Variants in BNC2 observed in about 807,000 individuals in gnomAD.
BNC2 encodes basonuclin zinc finger protein 2.
In BNC2, 20 loss-of-function variants were observed where a neutral mutation model predicts 76.3. That is an observed-to-expected ratio of 0.26 (90% CI 0.18 to 0.38). BNC2 has a LOEUF of 0.38. Among genes scored for constraint, BNC2 ranks in the 10% least tolerant of loss-of-function variants. The probability of loss-of-function intolerance (pLI) is 1.00; values close to 1 mark genes in which losing one functional copy is unlikely to be tolerated. For missense variants in BNC2, 1,382 were observed against 1,399.8 expected, an observed-to-expected ratio of 0.99 and a Z score of 0.20; for synonymous variants, 582 against 514.8, an observed-to-expected ratio of 1.13 and a Z score of -1.77.
chr9:16,548,192 G>A (rs1212567055), intron 5 of BNC2, among the ~76,000 whole-genome samples: 2 of 152,132 alleles, frequency 1.3e-5, no homozygotes, highest in African/African-American at 2.4e-5. Flanking sequence ...AGGCAAGTCA[G>A]TTATACGTTC....
At chr9:16,692,899 G>T (rs1823217742) in intron 3 of BNC2, among the ~76,000 whole-genome samples, 1 of 152,102 alleles carries the variant, frequency 6.6e-6, no homozygotes, top group Non-Finnish European at 1.5e-5. Flanking sequence ...GGGGGCCAAG[G>T]TGGGTGGATT....
intron 5 of BNC2, among the ~76,000 whole-genome samples, chr9:16,508,581 A>T (rs971532859): frequency 6.6e-6 from 1 of 152,156 alleles, no homozygotes; most frequent in African/African-American, 2.4e-5. Context: ...TGAATTTATT[A>T]TGGCCAGAAT....
chr9:16,437,251 T>A lies in BNC2; in HGVS notation c.943A>T (p.Ile315Phe), dbSNP rs995244344. 12 of 1,614,050 alleles carry A rather than the reference T, an allele frequency of 7.4e-6. No individual in the cohort carries two copies. The highest frequency in any genetic ancestry group is 9.3e-6 in the Non-Finnish European group (11 of 1,180,038). Residue 315 changes from isoleucine (I) to phenylalanine (F), a missense_variant, in exon 6 of 7, where the codon ATC (isoleucine) becomes TTC (phenylalanine). Around this residue, in one of 3 missense-constraint regions of BNC2, gnomAD observed 557 missense variants for 540.9 expected, o/e 1.03. Transcript: ENST00000380672. ...AGCAGAAATGCAAGGCTGTTTGGGA[T>A]GTTTTCGAAGTGATGAATGCTGGAA... ...NPSSIHHFEN[I>F]PNSLAFLLPF...
At chr9:16,823,858 C>T (rs1434873851) in intron 1 of BNC2, among the ~76,000 whole-genome samples, 1 of 152,134 alleles carries the variant, frequency 6.6e-6, no homozygotes, top group Non-Finnish European at 1.5e-5. Context: ...CTTTTTCCTT[C>T]TCTGTGGAGG....
intron 5 of BNC2, among the ~76,000 whole-genome samples, chr9:16,444,110 G>T (rs1330584727): frequency 1.3e-5 from 2 of 152,142 alleles, no homozygotes; most frequent in East Asian, 3.9e-4. Flanking sequence ...CCAAATCACA[G>T]GCACACATGC....
intron 1 of BNC2, among the ~76,000 whole-genome samples, chr9:16,751,729 G>C (rs1391732354): frequency 2.1e-5 from 3 of 140,884 alleles, no homozygotes; most frequent in African/African-American, 7.9e-5. Flanking sequence ...TAAAATTAAA[G>C]ATTTTTAACA....
intron 3 of BNC2, among the ~76,000 whole-genome samples, chr9:16,671,975 T>C (rs1251813023): frequency 6.6e-6 from 1 of 152,224 alleles, no homozygotes; most frequent in Admixed American, 6.5e-5. Flanking sequence ...GTTTCTCTCA[T>C]TAAGCAAACT....
intron 5 of BNC2, among the ~76,000 whole-genome samples, chr9:16,459,930 A>C (rs1007833176): frequency 4.6e-5 from 7 of 152,200 alleles, no homozygotes; most frequent in African/African-American, 1.7e-4. Flanking sequence ...GAGAAAGAAA[A>C]TGAAAGAGGT....
At chr9:16,811,526 T>C (rs577770504) in intron 1 of BNC2, among the ~76,000 whole-genome samples, 1 of 109,464 alleles carries the variant, frequency 9.1e-6, no homozygotes, top group South Asian at 2.9e-4. Context: ...CACTCCAGCC[T>C]GGGCAACAAG....
intron 1 of BNC2, among the ~76,000 whole-genome samples, chr9:16,857,984 A>T (rs997741778): frequency 6.6e-6 from 1 of 152,232 alleles, no homozygotes; most frequent in Non-Finnish European, 1.5e-5. Context: ...AAAATTTGCC[A>T]GGTAAACTGT....
At chr9:16,771,851 T>C (rs1045978071) in intron 1 of BNC2, among the ~76,000 whole-genome samples, 2 of 152,184 alleles carry the variant, frequency 1.3e-5, no homozygotes, top group African/African-American at 4.8e-5. Flanking sequence ...TAATCCTCTA[T>C]AAAGAGGCAA....
At chr9:16,435,084 C>A (rs1468188862) in intron 6 of BNC2, 1 of 471,232 alleles carries the variant, frequency 2.1e-6, no homozygotes, top group Non-Finnish European at 4.4e-6. Flanking sequence ...TTCTTTCCAT[C>A]CGTAAATTTC....
chr9:16,504,609 T>A (rs1238273927), intron 5 of BNC2, among the ~76,000 whole-genome samples: 6 of 152,158 alleles, frequency 3.9e-5, no homozygotes, highest in Non-Finnish European at 7.4e-5. Flanking sequence ...TATCTCTAGA[T>A]CTTCTGTAAA....
chr9:16,520,998 G>A (rs1817599193), intron 5 of BNC2, among the ~76,000 whole-genome samples: 1 of 152,122 alleles, frequency 6.6e-6, no homozygotes, highest in African/African-American at 2.4e-5. Context: ...CAATTTACAT[G>A]GGTTTACTTC....
chr9:16,586,726 G>A (rs1185709005), intron 3 of BNC2, among the ~76,000 whole-genome samples: 3 of 152,148 alleles, frequency 2.0e-5, no homozygotes, highest in South Asian at 4.1e-4. Flanking sequence ...AGCAAAAACC[G>A]TCACTGTGGA....
At chr9:16,424,885 T>A (rs1416568054) in intron 6 of BNC2, among the ~76,000 whole-genome samples, 2 of 152,226 alleles carry the variant, frequency 1.3e-5, no homozygotes, top group Admixed American at 6.5e-5. Context: ...TATTATCATT[T>A]ATTAACGATA....
chr9:16,782,740 T>C (rs975196607), intron 1 of BNC2, among the ~76,000 whole-genome samples: 5 of 152,212 alleles, frequency 3.3e-5, no homozygotes, highest in Non-Finnish European at 5.9e-5. Flanking sequence ...TGGTTTCATA[T>C]TCTCCTCCCC....
intron 4 of BNC2, among the ~76,000 whole-genome samples, chr9:16,571,873 G>GT (rs1388516304): frequency 5.3e-5 from 8 of 151,936 alleles, no homozygotes; most frequent in Admixed American, 4.6e-4. Context: ...GCTTGTCAGA[G>GT]TTTCTGCCAA....
intron 5 of BNC2, among the ~76,000 whole-genome samples, chr9:16,525,583 C>T (rs950911005): frequency 2.0e-5 from 3 of 152,072 alleles, no homozygotes; most frequent in Admixed American, 2.0e-4. Flanking sequence ...TACCAAAGAT[C>T]AAAAATATGT....
Sources: allele counts gnomAD v4.1 joint callset (sites outside exome capture counted in the v4.1 genomes callset), GRCh38; gene constraint gnomAD v4.1.1; regional missense constraint gnomAD v4.1.1; transcripts MANE v1.5; gene names NCBI Gene and HGNC (gene_info 2026-07-23, HGNC 2026-07-21).